The following ATP11C variants were observed in gnomAD, a reference collection of about 807,000 sequenced individuals.
The protein encoded by ATP11C is ATPase phospholipid transporting 11C (ATP11C blood group).
Under a neutral mutation model 97.4 loss-of-function variants are expected in ATP11C, and 36 were observed. The observed-to-expected ratio is 0.37, with a 90% CI of 0.28 to 0.49. The LOEUF (loss-of-function observed/expected upper bound fraction) is 0.49, where lower values mean the gene tolerates loss of function less well. Ranked by LOEUF, ATP11C falls within the 20% of genes least tolerant of loss-of-function variation. ATP11C has a pLI of 0.98. For missense variants in ATP11C, 730 were observed against 824.6 expected, an observed-to-expected ratio of 0.89 and a Z score of 1.40; for synonymous variants, 275 against 290.9, an observed-to-expected ratio of 0.95 and a Z score of 0.56.
At chrX:139,807,666 T>C (rs755851677) in intron 5 of ATP11C, among the ~76,000 whole-genome samples, 6 of 111,830 alleles carry the variant, frequency 5.4e-5, no homozygotes, top group Non-Finnish European at 7.5e-5. Flanking sequence ...AGATGTTAAA[T>C]GGGTGGGGTG....
intron 1 of ATP11C, among the ~76,000 whole-genome samples, chrX:139,912,385 T>G (rs1236829646): frequency 9.1e-6 from 1 of 110,457 alleles, no homozygotes; most frequent in African/African-American, 3.3e-5. Context: ...AAGTAGTACA[T>G]AGGTAGAATT....
intron 5 of ATP11C, among the ~76,000 whole-genome samples, chrX:139,808,182 T>C (rs1294120986): frequency 9.1e-6 from 1 of 110,346 alleles, no homozygotes; most frequent in African/African-American, 3.3e-5. Context: ...ACTAAAATTA[T>C]CCAAAGTGAT....
At chrX:139,889,481 T>G (rs1264746143) in intron 1 of ATP11C, among the ~76,000 whole-genome samples, 1 of 111,891 alleles carries the variant, frequency 8.9e-6, no homozygotes, top group Non-Finnish European at 1.9e-5. Context: ...TTTGATTATT[T>G]TGATTTCAGT....
intron 1 of ATP11C, among the ~76,000 whole-genome samples, chrX:139,904,529 G>GA (rs954317547): frequency 9.0e-6 from 1 of 111,348 alleles, no homozygotes; most frequent in African/African-American, 3.3e-5. Context: ...ACTCCATCTC[G>GA]AAAAAATAAT....
chrX:139,821,410 C>T, intron 2 of ATP11C, among the ~76,000 whole-genome samples: 2 of 111,875 alleles, frequency 1.8e-5, no homozygotes, highest in Non-Finnish European at 3.8e-5. Flanking sequence ...TTTAACTGTC[C>T]CAATTATTTA....
chrX:139,893,895 CTT>C (rs72475232), intron 1 of ATP11C, among the ~76,000 whole-genome samples: 1 of 104,634 alleles, frequency 9.6e-6, no homozygotes, highest in African/African-American at 3.5e-5. Flanking sequence ...ACTTATAATT[CTT>C]TTTTTTTTTA....
intron 1 of ATP11C, among the ~76,000 whole-genome samples, chrX:139,864,304 AC>A (rs1339237019): frequency 1.8e-5 from 2 of 111,978 alleles, no homozygotes; most frequent in Non-Finnish European, 1.9e-5. Context: ...AAATGGAACC[AC>A]AAACCTCTCA....
At chrX:139,920,706 A>G (rs1422752041) in intron 1 of ATP11C, among the ~76,000 whole-genome samples, 2 of 112,350 alleles carry the variant, frequency 1.8e-5, no homozygotes, top group Non-Finnish European at 3.8e-5. Context: ...AAGTGAATGA[A>G]AAAAAGTGAA....
At chrX:139,899,338 C>A (rs1017582801) in intron 1 of ATP11C, among the ~76,000 whole-genome samples, 1 of 110,002 alleles carries the variant, frequency 9.1e-6, no homozygotes, top group South Asian at 4.0e-4. Flanking sequence ...AAAAAATTAG[C>A]CAGGCGTGGT....
chrX:139,831,533 A>G (rs1364337935), intron 1 of ATP11C, among the ~76,000 whole-genome samples: 1 of 111,339 alleles, frequency 9.0e-6, no homozygotes, highest in African/African-American at 3.3e-5. Context: ...TAATTTCACC[A>G]GGGACAATCA....
intron 1 of ATP11C, among the ~76,000 whole-genome samples, chrX:139,827,802 A>T (rs756211529): frequency 3.9e-4 from 44 of 111,755 alleles, no homozygotes; most frequent in South Asian, 3.8e-4. Context: ...AAAGGTATAA[A>T]TCCCACCCTC....
At position 139,789,564 on chromosome X, in the gene ATP11C, A is replaced by G. The variant is rs751800603; in HGVS notation, c.1207-76T>C. ...TTTTAGTTTGCTGTAACGCAAAGCT[A>G]TTTTCATATCCATAGGAAATCACCC... is the stretch of plus-strand genomic sequence containing the variant. On this transcript the variant is annotated intron_variant, in intron 12 of 29. Transcript: ENST00000682941. 26 of 824,486 alleles carry G rather than the reference A, an allele frequency of 3.2e-5. No homozygotes were observed. In the South Asian group the frequency reaches 7.9e-4, roughly 25 times the overall value. The allele number at this position is 824,486 out of a possible 1,213,427, so 67.9% of individuals were successfully genotyped here.
intron 24 of ATP11C, 150 bp from the exon 25 acceptor site, chrX:139,746,007 G>A: frequency 3.7e-6 from 2 of 537,869 alleles, no homozygotes; most frequent in Non-Finnish European, 5.7e-6. Flanking sequence ...GGGTCAGACT[G>A]AGCCAAAGGC....
chrX:139,933,118 G>A (rs997398382), upstream of ATP11C: 4 of 94,702 alleles, frequency 4.2e-5, no homozygotes, highest in African/African-American at 1.5e-4. Flanking sequence ...GGCCCCTCCC[G>A]CTCGCCCCCT....
chrX:139,806,864 G>A (rs2083055493), intron 5 of ATP11C, among the ~76,000 whole-genome samples: 1 of 111,430 alleles, frequency 9.0e-6, no homozygotes, highest in Non-Finnish European at 1.9e-5. Context: ...AGAAAGGCAG[G>A]AAACCTTCCC....
At chrX:139,813,823 T>C (rs755068289) in intron 5 of ATP11C, among the ~76,000 whole-genome samples, 1 of 111,726 alleles carries the variant, frequency 9.0e-6, no homozygotes, top group East Asian at 2.8e-4. Flanking sequence ...GGTATGACAC[T>C]ACTATGGATA....
chrX:139,742,870 AAAAAAAATATAT>A (rs1234836324), intron 26 of ATP11C, among the ~76,000 whole-genome samples: 1 of 23,937 alleles, frequency 4.2e-5, no homozygotes, highest in African/African-American at 1.6e-4. Flanking sequence ...AAATTAAAAA[AAAAAAAATATAT>A]ATATATATAT....
At chrX:139,896,189 A>G (rs1173643737) in intron 1 of ATP11C, among the ~76,000 whole-genome samples, 1 of 111,442 alleles carries the variant, frequency 9.0e-6, no homozygotes, top group Non-Finnish European at 1.9e-5. Flanking sequence ...AAGGTGACCA[A>G]GTTAACATCA....
intron 18 of ATP11C, among the ~76,000 whole-genome samples, chrX:139,778,470 C>T (rs928605865): frequency 9.0e-6 from 1 of 111,659 alleles, no homozygotes; most frequent in African/African-American, 3.3e-5. Context: ...TCAATATTAA[C>T]CTTGAATGTA....
Sources: allele counts gnomAD v4.1 joint callset (sites outside exome capture counted in the v4.1 genomes callset), GRCh38; gene constraint gnomAD v4.1.1; transcripts MANE v1.5; gene names NCBI Gene and HGNC (gene_info 2026-07-23, HGNC 2026-07-21).